Variants in ABCA13 observed in about 807,000 individuals in gnomAD.
The protein encoded by ABCA13 is ATP-binding cassette sub-family A member 13.
In ABCA13, 476 loss-of-function variants were observed where a neutral mutation model predicts 478.7. The observed-to-expected ratio is 0.99, with a 90% CI of 0.92 to 1.07. ABCA13 has a LOEUF of 1.07. Ranked by LOEUF, ABCA13 falls within the 50% of genes least tolerant of loss-of-function variation. The probability of loss-of-function intolerance (pLI) is 0.00; values close to 1 mark genes in which losing one functional copy is unlikely to be tolerated. For synonymous variants in ABCA13, 2,252 were observed against 2,158.9 expected, an observed-to-expected ratio of 1.04 and a Z score of -1.20; for missense variants, 6,060 against 5,910.6, an observed-to-expected ratio of 1.03 and a Z score of -0.83.
chr7:48,253,168 C>T (rs1308763765), intron 15 of ABCA13, among the ~76,000 whole-genome samples: 2 of 152,130 alleles, frequency 1.3e-5, no homozygotes, highest in South Asian at 2.1e-4. Context: ...TACTCCTAGC[C>T]GCCTGCAGGT....
chr7:48,567,930 G>C (rs1787241314), intron 55 of ABCA13, among the ~76,000 whole-genome samples: 1 of 152,006 alleles, frequency 6.6e-6, no homozygotes, highest in Admixed American at 6.6e-5. Flanking sequence ...ACAGATATTT[G>C]TTAGGAACAA....
Position 48,229,868 on chromosome 7 carries a change from C to G in ABCA13, c.676C>G (p.Gln226Glu). The G allele has an allele frequency of 6.2e-7, 1 of 1,614,002 alleles. No individual in the cohort carries two copies. The highest frequency in any genetic ancestry group is 8.5e-7 in the Non-Finnish European group (1 of 1,179,880). Residue 226 changes from glutamine to glutamate, a missense_variant, in exon 7 of 62, where the codon CAA becomes GAA. Coordinates refer to ENST00000435803, the MANE Select transcript of ABCA13 (RefSeq NM_152701.5). ...AGATTTAGATTGGCTTCCACTCAACCAAACTTTTTCCCAGGTTTCTGAACT... is the reference window on the plus strand; with the variant it reads ...AGATTTAGATTGGCTTCCACTCAACGAAACTTTTTCCCAGGTTTCTGAACT... ...LEDLDWLPLNQTFSQVSELVL... is the reference protein window; with the variant it reads ...LEDLDWLPLNETFSQVSELVL...
rs75004463 is a variant in ABCA13, at chr7:48,495,104, A to G, written c.13291+5760A>G. 9.9e-3 allele frequency among the ~76,000 whole-genome samples: 1,505 copies of G among 152,322 alleles called. 30 individuals are homozygous for G. Among genetic ancestry groups the G allele is most frequent in the African/African-American group, 0.034 (1,403 of 41,564 alleles). ...GATTGGAAGAGTTTGTCATGATTCT[A>G]TCAAAATTTATGAATTAGGTATTAT... is the stretch of plus-strand genomic sequence containing the variant. On this transcript the variant is annotated intron_variant, in intron 48 of 61. Coordinates refer to ENST00000435803, the MANE Select transcript of ABCA13 (RefSeq NM_152701.5).
intron 59 of ABCA13, among the ~76,000 whole-genome samples, chr7:48,634,372 TGG>T (rs1473516621): frequency 2.6e-5 from 4 of 152,216 alleles, no homozygotes; most frequent in African/African-American, 9.6e-5. Context: ...TGTGAAAAAT[TGG>T]TATTATTTCT....
In ABCA13 at chr7:48,276,048, A is replaced by G; in HGVS notation, c.6382A>G (p.Asn2128Asp). The stretch of plus-strand genomic sequence containing the variant: ...TGAAGATTTTCTATTGGTCACAAAA[A>G]ACTGGCTTCAGGAATATGCAAATGA... ...IIEDFLLVTK[N>D]WLQEYANEDY... is the part of the protein sequence containing the mutation. The change falls in exon 17 of 62, where the codon AAC (asparagine) becomes GAC (aspartate). Residue 2128 changes from asparagine to aspartate, a missense_variant. Around this residue, in one of 3 missense-constraint regions of ABCA13, gnomAD observed 4,423 missense variants for 4,309.1 expected, o/e 1.03. Transcript: ENST00000435803. 6.2e-7 allele frequency: 1 copy of G among 1,608,138 alleles called. No homozygotes were observed. Among genetic ancestry groups the G allele is most frequent in the Non-Finnish European group, 8.5e-7 (1 of 1,176,856 alleles).
At chr7:48,448,536 C>T (rs929476979) in intron 42 of ABCA13, among the ~76,000 whole-genome samples, 20 of 152,142 alleles carry the variant, frequency 1.3e-4, no homozygotes, top group African/African-American at 4.8e-4. Flanking sequence ...GACATTTTGG[C>T]TATTACAATC....
chr7:48,580,194 G>A (rs2131362692), intron 55 of ABCA13, 30 bp from the exon 56 acceptor site: 2 of 1,579,058 alleles, frequency 1.3e-6, no homozygotes, highest in Non-Finnish European at 1.7e-6. Context: ...GGAAACTGCT[G>A]TTCTCAGCCT....
At chr7:48,501,588 A>G (rs1830749083) in intron 48 of ABCA13, among the ~76,000 whole-genome samples, 1 of 152,132 alleles carries the variant, frequency 6.6e-6, no homozygotes, top group Admixed American at 6.5e-5. Flanking sequence ...CAGCCACTGT[A>G]GTTTGTGGGG....
At chr7:48,602,841 T>C (rs1791055211) in intron 58 of ABCA13, among the ~76,000 whole-genome samples, 1 of 152,182 alleles carries the variant, frequency 6.6e-6, no homozygotes, top group South Asian at 2.1e-4. Flanking sequence ...TTCATGATAT[T>C]GATTCTTCCT....
intron 13 of ABCA13, among the ~76,000 whole-genome samples, chr7:48,246,602 T>A (rs35819086): frequency 8.9e-5 from 1 of 11,234 alleles, no homozygotes; most frequent in Non-Finnish European, 1.5e-4. Context: ...AGTATTACCT[T>A]TTTTTTTTAT....
intron 20 of ABCA13, among the ~76,000 whole-genome samples, chr7:48,292,259 G>A (rs1798644541): frequency 6.6e-6 from 1 of 152,058 alleles, no homozygotes. Context: ...CAGATGCCAG[G>A]GACAACAACC....
intron 10 of ABCA13, among the ~76,000 whole-genome samples, chr7:48,244,171 T>A (rs1393218784): frequency 6.6e-6 from 1 of 152,188 alleles, no homozygotes; most frequent in Non-Finnish European, 1.5e-5. Flanking sequence ...TTGGGACCAC[T>A]GCGATGGGTC....
At chr7:48,455,384 A>T in intron 43 of ABCA13, 98 bp downstream of exon 43, 1 of 1,414,906 alleles carries the variant, frequency 7.1e-7, no homozygotes, top group Non-Finnish European at 9.4e-7. Flanking sequence ...TAAAAACTGG[A>T]AATATAAATG....
intron 59 of ABCA13, among the ~76,000 whole-genome samples, chr7:48,618,518 C>T (rs1362220834): frequency 3.3e-5 from 5 of 152,144 alleles, no homozygotes; most frequent in Non-Finnish European, 1.5e-5. Context: ...CCATGTATTA[C>T]AGTTTCCAAT....
At chr7:48,320,347 G>C (rs1161254982) in intron 27 of ABCA13, among the ~76,000 whole-genome samples, 1 of 152,148 alleles carries the variant, frequency 6.6e-6, no homozygotes, top group Non-Finnish European at 1.5e-5. Flanking sequence ...TTGTTTTACT[G>C]TTTGCATTGA....
intron 31 of ABCA13, among the ~76,000 whole-genome samples, chr7:48,359,011 G>T (rs1207146235): frequency 6.6e-6 from 1 of 151,934 alleles, no homozygotes. Flanking sequence ...CTGCATTTGG[G>T]TGCCAGCTTT....
rs1002450113 is a variant in ABCA13, at chr7:48,350,642, G to A, written c.10205-1G>A. 6.2e-7 allele frequency: 1 copy of A among 1,611,882 alleles called. No homozygotes were observed. On this transcript the variant is annotated splice_acceptor_variant, in intron 29 of 61. Coordinates refer to ENST00000435803, the MANE Select transcript of ABCA13 (RefSeq NM_152701.5). LOFTEE classifies it high-confidence loss of function. ...TGTCCTAATCTGTTCACTTTCCTCA[G>A]GAGGGCTGCTGGATGAGATGTTTAA...
intron 1 of ABCA13, among the ~76,000 whole-genome samples, chr7:48,183,969 A>G (rs1796037085): frequency 6.6e-6 from 1 of 152,210 alleles, no homozygotes; most frequent in African/African-American, 2.4e-5. Flanking sequence ...AAACCAGTCT[A>G]ATCTAACAGA....
rs1467294927 is a variant in ABCA13 at position 48,276,246 on chromosome 7, C to T, written c.6580C>T (p.Gln2194Ter). 2 of 1,573,460 alleles carry T rather than the reference C, an allele frequency of 1.3e-6. No homozygotes were observed. Among genetic ancestry groups the T allele is most frequent in the Non-Finnish European group, 1.7e-6 (2 of 1,158,154 alleles). The change falls in exon 17 of 62, where the codon CAG becomes TAG. Residue 2194 changes from glutamine to a stop codon, truncating the protein, a stop_gained. Transcript: ENST00000435803. LOFTEE classifies it high-confidence loss of function. ...TCTTACCCATCTGCTAAATCAAGAA[C>T]AGCTGACTAATTTCTCAGTTGTTCA... ...AFLTHLLNQE[Q>*]LTNFSVVQLL...
Sources: gnomAD v4.1 joint callset for allele counts (sites outside exome capture counted in the v4.1 genomes callset) on GRCh38, gnomAD v4.1.1 for gene constraint, gnomAD v4.1.1 regional missense constraint, MANE v1.5 for transcripts, NCBI Gene and HGNC (gene_info 2026-07-23, HGNC 2026-07-21) for gene names.